The following CLASP2 variants were observed in gnomAD, a reference collection of about 807,000 sequenced individuals.
CLASP2 encodes the protein CLIP-associating protein 2.
Under a neutral mutation model 194.4 loss-of-function variants are expected in CLASP2, and 47 were observed. The observed-to-expected ratio is 0.24, with a 90% CI of 0.19 to 0.31. The LOEUF is 0.31. CLASP2 is among the 10% of genes least tolerant of loss of function. The pLI is 1.00. For missense variants in CLASP2, 1,445 were observed against 1,823.6 expected, an observed-to-expected ratio of 0.79 and a Z score of 3.78; for synonymous variants, 619 against 633.5, an observed-to-expected ratio of 0.98 and a Z score of 0.34.
chr3:33,658,627 A>T (rs2084725903), intron 7 of CLASP2, among the ~76,000 whole-genome samples: 1 of 152,210 alleles, frequency 6.6e-6, no homozygotes, highest in South Asian at 2.1e-4. Context: ...TCCTGCTAAA[A>T]TCTGTCATTC....
chr3:33,538,838 T>A lies in CLASP2; in HGVS notation c.3509A>T (p.Asp1170Val). The A allele has an allele frequency of 6.2e-7, 1 of 1,603,480 alleles. No individual in the cohort carries two copies. Among genetic ancestry groups the A allele is most frequent in the Non-Finnish European group, 8.5e-7 (1 of 1,174,592 alleles). ...ATCCCTTTTCAATGGCTCATTCATA[T>A]CTTCTTGGCTACGGAAGCTGAAATT... ...IQNFSFRSQE[D>V]MNEPLKRDSK... Residue 1170 changes from aspartate (D) to valine (V), a missense_variant, in exon 33 of 39, where the codon GAT becomes GTT. Asp to Val is a radical substitution (Grantham distance 152). This residue lies in a region of CLASP2 where 732 missense variants were observed against 987.9 expected (regional missense o/e 0.74). Coordinates refer to ENST00000682230, the MANE Select transcript of CLASP2 (RefSeq NM_001365631.1).
At position 33,692,000 on chromosome 3, in the gene CLASP2, T is replaced by G. The variant is rs146420746; in HGVS notation, c.275-2068A>C. 8.0e-3 allele frequency among the ~76,000 whole-genome samples: 1,217 copies of G among 152,078 alleles called. 12 individuals are homozygous for G. Among genetic ancestry groups the G allele is most frequent in the Middle Eastern group, 0.051 (15 of 294 alleles). On this transcript the variant is annotated intron_variant, in intron 2 of 38. Transcript: ENST00000682230. ...GCCTGGCCAAAATGACAAAATCCCATCTCCACTAAAACTATAAAAATTAGC... is the reference window on the plus strand; with the variant it reads ...GCCTGGCCAAAATGACAAAATCCCAGCTCCACTAAAACTATAAAAATTAGC...
chr3:33,651,657 CTTTTTTT>C (rs1213189049), intron 7 of CLASP2, among the ~76,000 whole-genome samples: 1 of 119,628 alleles, frequency 8.4e-6, no homozygotes, highest in African/African-American at 3.2e-5. Context: ...TTCCACCTCA[CTTTTTTT>C]TTTTTTTTTT....
chr3:33,619,543 GGAA>G, intron 12 of CLASP2, 57 bp downstream of exon 12: 1 of 1,429,240 alleles, frequency 7.0e-7, no homozygotes. Context: ...AAAAGGGGGA[GGAA>G]GAAGAAACAA....
intron 6 of CLASP2, among the ~76,000 whole-genome samples, chr3:33,682,322 T>A (rs941243950): frequency 3.3e-5 from 5 of 152,200 alleles, no homozygotes; most frequent in Non-Finnish European, 4.4e-5. Context: ...TAAAAATACA[T>A]TGAAATATTT....
At chr3:33,659,867 A>C (rs1056695276) in intron 7 of CLASP2, among the ~76,000 whole-genome samples, 1 of 152,220 alleles carries the variant, frequency 6.6e-6, no homozygotes, top group Non-Finnish European at 1.5e-5. Context: ...TTTTCACCAA[A>C]GGGTATGTTA....
intron 21 of CLASP2, among the ~76,000 whole-genome samples, chr3:33,588,072 C>T (rs555475284): frequency 4.6e-5 from 7 of 152,052 alleles, no homozygotes; most frequent in Admixed American, 1.3e-4. Flanking sequence ...ATTATGCAAG[C>T]GCACTCTACA....
chr3:33,522,422 G>A (rs1033633984), intron 34 of CLASP2, among the ~76,000 whole-genome samples: 4 of 152,074 alleles, frequency 2.6e-5, no homozygotes, highest in Admixed American at 2.6e-4. Context: ...AATAACAAAA[G>A]CCACCAATCT....
chr3:33,622,810 ATT>A (rs35363056), intron 10 of CLASP2, among the ~76,000 whole-genome samples: 12 of 142,372 alleles, frequency 8.4e-5, no homozygotes, highest in East Asian at 2.0e-4. Context: ...GCTGTAGAAC[ATT>A]TTTTTTTTTT....
chr3:33,712,373 G>A (rs1039737234), intron 1 of CLASP2, among the ~76,000 whole-genome samples: 2 of 152,136 alleles, frequency 1.3e-5, no homozygotes, highest in Non-Finnish European at 2.9e-5. Context: ...GGAGAGGGTT[G>A]AGGGATAAAA....
At position 33,692,460 on chromosome 3, in the gene CLASP2, C is replaced by T. The variant is rs375703208; in HGVS notation, c.275-2528G>A. 3.9e-5 allele frequency among the ~76,000 whole-genome samples: 6 copies of T among 152,268 alleles called. No homozygotes were observed. The East Asian group carries it at 7.7e-4, about 20-fold the overall frequency. On this transcript the variant is annotated intron_variant, in intron 2 of 38. Coordinates refer to ENST00000682230, the MANE Select transcript of CLASP2 (RefSeq NM_001365631.1). Reference sequence around the variant, plus strand: ...TTCACATTACATAAAATTATTACAGCTAATAATTTAAACAAGAAATTCATA... The same window carrying T: ...TTCACATTACATAAAATTATTACAGTTAATAATTTAAACAAGAAATTCATA...
At position 33,608,642 on chromosome 3, in the gene CLASP2, TG is replaced by T; in HGVS notation, c.1389-17del. ...AAATGAACGTCTGAAAAATAAAAGT[TG>T]AATGATAACTAAATGTTGTATTGAG... On this transcript the variant is annotated splice_polypyrimidine_tract_variant and intron_variant, in intron 13 of 38. Coordinates refer to ENST00000682230, the MANE Select transcript of CLASP2 (RefSeq NM_001365631.1). 2 of 1,564,230 alleles carry T rather than the reference TG, an allele frequency of 1.3e-6. No individual in the cohort carries two copies. The highest frequency in any genetic ancestry group is 1.8e-6 in the Non-Finnish European group (2 of 1,139,728).
intron 6 of CLASP2, among the ~76,000 whole-genome samples, chr3:33,666,604 G>C (rs1402657201): frequency 6.6e-6 from 1 of 152,130 alleles, no homozygotes; most frequent in Non-Finnish European, 1.5e-5. Flanking sequence ...TATTCACCAA[G>C]TAATGGACAT....
chr3:33,521,978 C>A (rs1349304222), intron 34 of CLASP2, among the ~76,000 whole-genome samples: 6 of 152,236 alleles, frequency 3.9e-5, no homozygotes, highest in Admixed American at 1.3e-4. Context: ...GAAAAAAGAA[C>A]CTTATCCTGC....
intron 34 of CLASP2, among the ~76,000 whole-genome samples, chr3:33,527,698 C>T (rs995702655): frequency 1.3e-5 from 2 of 152,234 alleles, no homozygotes; most frequent in African/African-American, 4.8e-5. Flanking sequence ...CACATTACAA[C>T]AACCTGTAAT....
chr3:33,515,749 C>G (rs1026711695), intron 36 of CLASP2, among the ~76,000 whole-genome samples: 4 of 152,062 alleles, frequency 2.6e-5, no homozygotes, highest in African/African-American at 9.7e-5. Flanking sequence ...AATAAGATTG[C>G]TAAACTCTAA....
At chr3:33,554,827 G>A (rs532057848) in intron 29 of CLASP2, 5 of 153,222 alleles carry the variant, frequency 3.3e-5, no homozygotes, top group African/African-American at 4.8e-5. Context: ...ATTTTGAGGA[G>A]ATGAGAAAGG....
At chr3:33,545,234 G>T (rs2058973110) in intron 30 of CLASP2, 1 of 153,584 alleles carries the variant, frequency 6.5e-6, no homozygotes, top group Non-Finnish European at 1.4e-5. Flanking sequence ...TGAAGCTAAA[G>T]TAAGTCCGTT....
intron 2 of CLASP2, among the ~76,000 whole-genome samples, chr3:33,696,419 G>A (rs1320778035): frequency 1.6e-5 from 2 of 124,650 alleles, no homozygotes; most frequent in Admixed American, 2.0e-4. Context: ...CCTTGTCTCT[G>A]GGTAAACTGA....
Sources: gnomAD v4.1 joint callset for allele counts (sites outside exome capture counted in the v4.1 genomes callset) on GRCh38, gnomAD v4.1.1 for gene constraint, gnomAD v4.1.1 regional missense constraint, MANE v1.5 for transcripts, NCBI Gene and HGNC (gene_info 2026-07-23, HGNC 2026-07-21) for gene names.